CACNA2D3: variants seen among roughly 807,000 people sequenced by gnomAD.
CACNA2D3 encodes the protein voltage-dependent calcium channel subunit alpha-2/delta-3.
Under a neutral mutation model 160.6 loss-of-function variants are expected in CACNA2D3, and 60 were observed. The ratio of observed to expected loss-of-function variants is 0.37; its 90% CI spans 0.30 to 0.46. CACNA2D3 has a LOEUF of 0.46. CACNA2D3 is among the 20% of genes least tolerant of loss of function. CACNA2D3 has a pLI of 1.00. For missense variants in CACNA2D3, 1,205 were observed against 1,365.0 expected, an observed-to-expected ratio of 0.88 and a Z score of 1.85; for synonymous variants, 558 against 492.9, an observed-to-expected ratio of 1.13 and a Z score of -1.75.
At chr3:54,900,862 T>C (rs1880829) in intron 27 of CACNA2D3, among the ~76,000 whole-genome samples, 18 of 152,026 alleles carry the variant, frequency 1.2e-4, no homozygotes, top group African/African-American at 4.1e-4. Flanking sequence ...CTTTATTTCT[T>C]ACTTGGCCTG....
At chr3:54,221,231 C>T (rs1233458566) in intron 2 of CACNA2D3, among the ~76,000 whole-genome samples, 1 of 152,152 alleles carries the variant, frequency 6.6e-6, no homozygotes. Flanking sequence ...TTTGACTTCA[C>T]GCAGCACATA....
At chr3:54,213,531 C>G (rs1173350634) in intron 2 of CACNA2D3, among the ~76,000 whole-genome samples, 1 of 152,196 alleles carries the variant, frequency 6.6e-6, no homozygotes, top group African/African-American at 2.4e-5. Context: ...ACAGTCCTTT[C>G]TTTCTTCCTG....
intron 2 of CACNA2D3, among the ~76,000 whole-genome samples, chr3:54,305,871 A>G (rs1402306950): frequency 6.6e-6 from 1 of 152,260 alleles, no homozygotes; most frequent in East Asian, 1.9e-4. Flanking sequence ...TGTCATCAAC[A>G]GAAATCACAG....
At chr3:54,811,834 T>C (rs145976804) in intron 13 of CACNA2D3, among the ~76,000 whole-genome samples, 91 of 152,320 alleles carry the variant, frequency 6.0e-4, no homozygotes, top group Non-Finnish European at 2.4e-4. Context: ...TTCAATAGTC[T>C]GGTCACCGGC....
At chr3:54,784,259 A>G (rs1460558666) in intron 13 of CACNA2D3, among the ~76,000 whole-genome samples, 1 of 152,186 alleles carries the variant, frequency 6.6e-6, no homozygotes, top group South Asian at 2.1e-4. Flanking sequence ...CAGCCTGGGA[A>G]CACCTGCATT....
chr3:54,890,320 C>T (rs1041842901), intron 24 of CACNA2D3, among the ~76,000 whole-genome samples: 1 of 151,952 alleles, frequency 6.6e-6, no homozygotes, highest in African/African-American at 2.4e-5. Context: ...CACAGTGAAA[C>T]GCTGTCTCTA....
intron 27 of CACNA2D3, among the ~76,000 whole-genome samples, chr3:54,936,781 T>C (rs1469745931): frequency 6.6e-6 from 1 of 152,212 alleles, no homozygotes; most frequent in East Asian, 1.9e-4. Context: ...GCTTTCATCA[T>C]GAAGCATGAC....
chr3:54,713,609 T>C (rs1700994919), intron 11 of CACNA2D3, among the ~76,000 whole-genome samples: 1 of 152,138 alleles, frequency 6.6e-6, no homozygotes, highest in African/African-American at 2.4e-5. Context: ...TGGATAAAAA[T>C]AGTTTCTACC....
chr3:54,456,254 T>G (rs1700394942), intron 4 of CACNA2D3, among the ~76,000 whole-genome samples: 1 of 151,996 alleles, frequency 6.6e-6, no homozygotes, highest in Non-Finnish European at 1.5e-5. Context: ...ATAGACTTCC[T>G]TGTAGAGATC....
intron 17 of CACNA2D3, among the ~76,000 whole-genome samples, chr3:54,865,257 G>A (rs1262531443): frequency 6.6e-6 from 1 of 152,126 alleles, no homozygotes; most frequent in Non-Finnish European, 1.5e-5. Flanking sequence ...GTTAGTAAGG[G>A]CAATATACTT....
intron 12 of CACNA2D3, among the ~76,000 whole-genome samples, chr3:54,754,142 C>G (rs924845363): frequency 6.6e-6 from 1 of 152,138 alleles, no homozygotes; most frequent in African/African-American, 2.4e-5. Flanking sequence ...TGTTGCATGT[C>G]AGAAACAAAT....
At chr3:54,328,771 C>T (rs1704176269) in intron 3 of CACNA2D3, among the ~76,000 whole-genome samples, 1 of 152,172 alleles carries the variant, frequency 6.6e-6, no homozygotes, top group African/African-American at 2.4e-5. Flanking sequence ...AGGCACTCTG[C>T]TGGACATGCT....
intron 2 of CACNA2D3, among the ~76,000 whole-genome samples, chr3:54,203,273 G>T (rs12488432): frequency 0.084 from 12,850 of 152,168 alleles, 714 homozygotes; most frequent in East Asian, 0.2. Context: ...CGTGCGATGG[G>T]GGTGTGGCTC....
chr3:54,454,218 T>A (rs1035883344), intron 4 of CACNA2D3, among the ~76,000 whole-genome samples: 1 of 152,214 alleles, frequency 6.6e-6, no homozygotes, highest in Non-Finnish European at 1.5e-5. Flanking sequence ...GACTCAACTT[T>A]AGTAAAGTAT....
Position 54,952,478 on chromosome 3 carries a change from T to C in CACNA2D3, c.2450-15972T>C, listed in dbSNP as rs1251676778. 3.9e-5 allele frequency among the ~76,000 whole-genome samples: 6 copies of C among 152,214 alleles called. No homozygotes were observed. In the East Asian group the frequency reaches 9.6e-4, roughly 24 times the overall value. On this transcript the variant is annotated intron_variant, in intron 27 of 37. Transcript: ENST00000474759. ...GTTCACAGATGTGGGAAAGAAAAAA[T>C]AAAACATGAGGCAAAAACTTGCAAG...
At chr3:54,673,795 T>C (rs1162306270) in intron 11 of CACNA2D3, among the ~76,000 whole-genome samples, 4 of 152,224 alleles carry the variant, frequency 2.6e-5, no homozygotes, top group African/African-American at 9.6e-5. Flanking sequence ...AAAGCTTCTT[T>C]CTCAATATTT....
intron 11 of CACNA2D3, among the ~76,000 whole-genome samples, chr3:54,717,749 GGT>G (rs1200252737): frequency 1.3e-5 from 1 of 79,056 alleles, no homozygotes; most frequent in South Asian, 4.8e-4. Flanking sequence ...TGTGTGGTGT[GGT>G]GTGTGCAAGC....
chr3:54,434,782 C>A (rs978087008), intron 4 of CACNA2D3, among the ~76,000 whole-genome samples: 1 of 152,176 alleles, frequency 6.6e-6, no homozygotes, highest in Admixed American at 6.5e-5. Context: ...CAGTCCAGGC[C>A]AGTTTCCAAG....
At chr3:54,794,626 A>G (rs1350024744) in intron 13 of CACNA2D3, among the ~76,000 whole-genome samples, 1 of 147,152 alleles carries the variant, frequency 6.8e-6, no homozygotes, top group African/African-American at 2.5e-5. Flanking sequence ...TTTTGGTATG[A>G]AAGCATTTCT....
Sources: allele counts gnomAD v4.1 joint callset (sites outside exome capture counted in the v4.1 genomes callset), GRCh38; gene constraint gnomAD v4.1.1; transcripts MANE v1.5; gene names NCBI Gene and HGNC (gene_info 2026-07-23, HGNC 2026-07-21).